The following SYT1 variants were observed in gnomAD, a reference collection of about 807,000 sequenced individuals.
SYT1 encodes synaptotagmin-1.
Under a neutral mutation model 44.8 loss-of-function variants are expected in SYT1, and 8 were observed. That is an observed-to-expected ratio of 0.18 (90% CI 0.10 to 0.32). The LOEUF is 0.32. Ranked by LOEUF, SYT1 falls within the 10% of genes least tolerant of loss-of-function variation. SYT1 has a pLI of 1.00. For missense variants in SYT1, 286 were observed against 509.3 expected (o/e 0.56, Z 4.22); for synonymous variants, 154 against 188.8 (o/e 0.82, Z 1.51).
chr12:79,083,974 A>G (rs1877212075), intron 3 of SYT1, among the ~76,000 whole-genome samples: 1 of 152,160 alleles, frequency 6.6e-6, no homozygotes, highest in African/African-American at 2.4e-5. Flanking sequence ...AACAAGAACT[A>G]AAACAGCAGT....
At chr12:79,071,610 C>G (rs951728765) in intron 3 of SYT1, among the ~76,000 whole-genome samples, 2 of 152,274 alleles carry the variant, frequency 1.3e-5, no homozygotes, top group African/African-American at 4.8e-5. Flanking sequence ...AATCCAAACT[C>G]AAGATGTCAG....
chr12:79,375,027 G>A (rs1164242341), intron 9 of SYT1, among the ~76,000 whole-genome samples: 1 of 152,156 alleles, frequency 6.6e-6, no homozygotes, highest in East Asian at 1.9e-4. Flanking sequence ...AGACATAGCT[G>A]TGTTCTAATC....
intron 6 of SYT1, among the ~76,000 whole-genome samples, chr12:79,293,637 G>A (rs979551974): frequency 1.3e-5 from 2 of 152,146 alleles, no homozygotes; most frequent in African/African-American, 4.8e-5. Flanking sequence ...AGTCAGTAAT[G>A]CTGTGAGAGC....
chr12:79,295,278 A>G (rs1394989127), intron 6 of SYT1, among the ~76,000 whole-genome samples: 1 of 152,154 alleles, frequency 6.6e-6, no homozygotes, highest in South Asian at 2.1e-4. Context: ...AATATTAACC[A>G]TACCATAATA....
At chr12:79,237,827 C>G (rs1378983003) in intron 4 of SYT1, among the ~76,000 whole-genome samples, 1 of 152,044 alleles carries the variant, frequency 6.6e-6, no homozygotes, top group Non-Finnish European at 1.5e-5. Context: ...TTTTGCTAAC[C>G]CTATACACTT....
At chr12:79,327,383 T>C (rs1438770693) in intron 8 of SYT1, among the ~76,000 whole-genome samples, 1 of 152,150 alleles carries the variant, frequency 6.6e-6, no homozygotes, top group Middle Eastern at 3.2e-3. Flanking sequence ...CTGAAAGCTA[T>C]AGGACTGTTA....
intron 9 of SYT1, among the ~76,000 whole-genome samples, chr12:79,354,175 T>A (rs781393005): frequency 1.3e-5 from 2 of 152,148 alleles, no homozygotes; most frequent in Non-Finnish European, 2.9e-5. Flanking sequence ...GGATTGAAAT[T>A]TCCATACAAC....
At chr12:79,109,856 A>G (rs908815910) in intron 3 of SYT1, among the ~76,000 whole-genome samples, 2 of 152,106 alleles carry the variant, frequency 1.3e-5, no homozygotes, top group African/African-American at 4.8e-5. Context: ...CAACCACAGA[A>G]CCTGTCTTCC....
chr12:79,301,840 G>T (rs1033463338), intron 8 of SYT1, among the ~76,000 whole-genome samples: 3 of 152,104 alleles, frequency 2.0e-5, no homozygotes, highest in African/African-American at 7.2e-5. Flanking sequence ...CTCAGGAATA[G>T]AAATTTTTGG....
At chr12:79,107,627 C>G (rs955682982) in intron 3 of SYT1, among the ~76,000 whole-genome samples, 3 of 151,876 alleles carry the variant, frequency 2.0e-5, no homozygotes, top group Non-Finnish European at 4.4e-5. Context: ...AAAAATTATT[C>G]TTTGCAGAGC....
chr12:78,933,666 G>A (rs1877880386), intron 1 of SYT1, among the ~76,000 whole-genome samples: 1 of 152,078 alleles, frequency 6.6e-6, no homozygotes. Context: ...TCAACTTTAT[G>A]TTTCAGATCA....
At chr12:79,023,573 A>T (rs573573600) in intron 2 of SYT1, among the ~76,000 whole-genome samples, 1 of 152,006 alleles carries the variant, frequency 6.6e-6, no homozygotes, top group South Asian at 2.1e-4. Context: ...GGGACCAGAT[A>T]TTGAGAAACC....
chr12:79,014,975 A>G (rs1206546377), intron 2 of SYT1, among the ~76,000 whole-genome samples: 5 of 150,554 alleles, frequency 3.3e-5, no homozygotes, highest in Non-Finnish European at 7.4e-5. Context: ...AAAACCAAAC[A>G]CCGCATGTTC....
intron 9 of SYT1, among the ~76,000 whole-genome samples, chr12:79,411,563 T>C (rs1694706803): frequency 6.6e-6 from 1 of 152,172 alleles, no homozygotes; most frequent in Non-Finnish European, 1.5e-5. Context: ...ATATTCATAT[T>C]TATTTATATA....
chr12:79,203,677 T>A (rs566850481), intron 3 of SYT1, among the ~76,000 whole-genome samples: 2 of 152,280 alleles, frequency 1.3e-5, no homozygotes, highest in Admixed American at 1.3e-4. Flanking sequence ...GGAATAGCTG[T>A]TAGGTAAAAA....
intron 8 of SYT1, among the ~76,000 whole-genome samples, chr12:79,300,296 A>C (rs1214849181): frequency 6.6e-6 from 1 of 152,184 alleles, no homozygotes. Context: ...CTAGAAAAGC[A>C]AACAACCCTT....
chr12:79,392,615 A>G (rs575059886), intron 9 of SYT1: 6 of 152,288 alleles, frequency 3.9e-5, no homozygotes, highest in African/African-American at 4.8e-5. Context: ...GCAAAACGAA[A>G]AAAAAGACAA....
At chr12:79,034,730 G>A (rs1388073834) in intron 2 of SYT1, among the ~76,000 whole-genome samples, 1 of 151,564 alleles carries the variant, frequency 6.6e-6, no homozygotes, top group Admixed American at 6.6e-5. Flanking sequence ...CTCTGAAGAG[G>A]GCAATTTTCA....
In SYT1 at chr12:79,052,190, C is replaced by T. The variant is rs141746420; in HGVS notation, c.-18+4828C>T. 1.0e-3 allele frequency among the ~76,000 whole-genome samples: 152 copies of T among 152,086 alleles called. 1 individual carries two copies. In the East Asian group the frequency reaches 0.028, roughly 28 times the overall value. ...GAATGCTCTTCCATTTGTTTGTATC[C>T]TCTTTTATTTCATTGAGCAGTGGTT... is the stretch of plus-strand genomic sequence containing the variant. On this transcript the variant is annotated intron_variant, in intron 3 of 10. Coordinates refer to ENST00000261205, the MANE Select transcript of SYT1 (RefSeq NM_005639.3).
Sources: gnomAD v4.1 joint callset for allele counts (sites outside exome capture counted in the v4.1 genomes callset) on GRCh38, gnomAD v4.1.1 for gene constraint, MANE v1.5 for transcripts, NCBI Gene and HGNC (gene_info 2026-07-23, HGNC 2026-07-21) for gene names.